CNTN5: variants seen among roughly 807,000 people sequenced by gnomAD.
CNTN5 encodes contactin-5.
A neutral mutation model predicts 129.1 loss-of-function variants in CNTN5; 77 were observed. The observed-to-expected ratio is 0.60, with a 90% CI of 0.50 to 0.72. The LOEUF is 0.72. Among genes scored for constraint, CNTN5 ranks in the 30% least tolerant of loss-of-function variants. CNTN5 has a pLI of 0.00. For missense variants in CNTN5, 1,478 were observed against 1,328.8 expected, an observed-to-expected ratio of 1.11 and a Z score of -1.75; for synonymous variants, 509 against 465.6, an observed-to-expected ratio of 1.09 and a Z score of -1.20.
In CNTN5 at chr11:99,968,660, T is replaced by C. The variant is rs1475866712; in HGVS notation, c.877+11651T>C. Among the ~76,000 whole-genome samples the C allele has an allele frequency of 2.9e-3, 201 of 69,496 alleles. 7 individuals carry two copies. The highest frequency in any genetic ancestry group is 0.011 in the African/African-American group (163 of 15,478). The allele number at this position is 69,496 out of a possible 152,430, so 45.6% of individuals were successfully genotyped here. A position where few individuals can be genotyped will look rare whatever the true frequency, so the allele number is the denominator to read the frequency against. ...TAATTGGAATAGCTTTGGGTACTTTTTTTTTTTTTTTTTTTTTTTTTTTTT... is the reference window on the plus strand; with the variant it reads ...TAATTGGAATAGCTTTGGGTACTTTCTTTTTTTTTTTTTTTTTTTTTTTTT... On this transcript the variant is annotated intron_variant, in intron 8 of 24. Transcript: ENST00000524871.
chr11:99,433,022 A>G (rs1157289525), intron 2 of CNTN5, among the ~76,000 whole-genome samples: 1 of 151,808 alleles, frequency 6.6e-6, no homozygotes, highest in Non-Finnish European at 1.5e-5. Context: ...GAAAAAAAAA[A>G]AAAAAGGTTT....
intron 3 of CNTN5, among the ~76,000 whole-genome samples, chr11:99,705,373 A>G (rs1954710585): frequency 1.3e-5 from 2 of 151,236 alleles, no homozygotes; most frequent in African/African-American, 4.8e-5. Flanking sequence ...TTACCAGCTG[A>G]AGACTCCTGA....
chr11:99,623,178 G>A (rs879523568), intron 3 of CNTN5, among the ~76,000 whole-genome samples: 5 of 151,860 alleles, frequency 3.3e-5, no homozygotes, highest in Non-Finnish European at 4.4e-5. Flanking sequence ...CCTATTTACC[G>A]CTTAAAATTA....
At chr11:99,211,161 C>T (rs572506575) in intron 1 of CNTN5, among the ~76,000 whole-genome samples, 1 of 152,022 alleles carries the variant, frequency 6.6e-6, no homozygotes, top group East Asian at 1.9e-4. Context: ...TTTTTATTAT[C>T]TTGGTAATTT....
At chr11:99,257,875 T>C (rs191156060) in intron 1 of CNTN5, among the ~76,000 whole-genome samples, 1 of 152,226 alleles carries the variant, frequency 6.6e-6, no homozygotes, top group Non-Finnish European at 1.5e-5. Flanking sequence ...AATTATCAAG[T>C]ATGTCACCTA....
At chr11:99,620,892 T>G (rs12790118) in intron 3 of CNTN5, among the ~76,000 whole-genome samples, 1 of 150,986 alleles carries the variant, frequency 6.6e-6, no homozygotes, top group African/African-American at 2.4e-5. Flanking sequence ...ATAAAAACTT[T>G]AGAGAAATTT....
chr11:99,756,451 C>T (rs1944406349), intron 3 of CNTN5, among the ~76,000 whole-genome samples: 1 of 152,008 alleles, frequency 6.6e-6, no homozygotes, highest in South Asian at 2.1e-4. Context: ...ATACCAAAGA[C>T]TATTAAAGTA....
At position 99,036,173 on chromosome 11, in the gene CNTN5, T is replaced by A. The variant is rs536119773; in HGVS notation, c.-210+14903T>A. On this transcript the variant is annotated intron_variant, in intron 1 of 24. Coordinates refer to ENST00000524871, the MANE Select transcript of CNTN5 (RefSeq NM_014361.4). ...CGTTGCGTATCGAAATGCCAGCTAT[T>A]CAGAAATGCCATACAGTTGCTTGGA... 2.6e-5 allele frequency among the ~76,000 whole-genome samples: 4 copies of A among 152,254 alleles called. No individual in the cohort carries two copies. The South Asian group carries it at 8.3e-4, about 32-fold the overall frequency.
At chr11:99,980,024 A>G (rs577655892) in intron 8 of CNTN5, among the ~76,000 whole-genome samples, 2 of 152,308 alleles carry the variant, frequency 1.3e-5, no homozygotes, top group South Asian at 4.1e-4. Context: ...TAAACCCCAT[A>G]TAAGTATTGG....
chr11:99,327,441 A>C (rs1464698752), intron 2 of CNTN5, among the ~76,000 whole-genome samples: 3 of 152,302 alleles, frequency 2.0e-5, no homozygotes, highest in Admixed American at 2.0e-4. Context: ...TCTATTAATA[A>C]ATTCAGGTTT....
At chr11:99,351,402 A>G (rs1938288931) in intron 2 of CNTN5, among the ~76,000 whole-genome samples, 1 of 152,218 alleles carries the variant, frequency 6.6e-6, no homozygotes, top group Non-Finnish European at 1.5e-5. Flanking sequence ...GTGGGATGGA[A>G]CTGCTGTTTA....
chr11:99,819,798 A>C, intron 4 of CNTN5, 33 bp downstream of exon 4: 1 of 1,365,454 alleles, frequency 7.3e-7, no homozygotes, highest in South Asian at 1.2e-5. Context: ...TCCAGATAGA[A>C]TAAAGGAGGC....
intron 2 of CNTN5, among the ~76,000 whole-genome samples, chr11:99,555,628 T>C (rs917071773): frequency 5.3e-5 from 8 of 151,896 alleles, no homozygotes; most frequent in Admixed American, 3.3e-4. Context: ...CAGATAATCA[T>C]AGGAGTTATA....
intron 16 of CNTN5, among the ~76,000 whole-genome samples, chr11:100,240,617 T>C (rs1216234162): frequency 2.0e-5 from 3 of 152,306 alleles, no homozygotes; most frequent in East Asian, 3.9e-4. Flanking sequence ...AGATACATGT[T>C]TGTCAACTTT....
chr11:100,337,499 T>A (rs1292218502), intron 21 of CNTN5: 2 of 743,054 alleles, frequency 2.7e-6, no homozygotes, highest in African/African-American at 1.7e-5. Flanking sequence ...ACTTTCAGGA[T>A]CTCAAGAACC....
intron 13 of CNTN5, among the ~76,000 whole-genome samples, chr11:100,105,358 T>C (rs1432326032): frequency 6.6e-6 from 1 of 152,110 alleles, no homozygotes; most frequent in Non-Finnish European, 1.5e-5. Context: ...TTTGCATCTG[T>C]GTGGATAGAG....
chr11:99,762,951 C>A (rs1944633415), intron 3 of CNTN5, among the ~76,000 whole-genome samples: 1 of 152,110 alleles, frequency 6.6e-6, no homozygotes, highest in African/African-American at 2.4e-5. Flanking sequence ...CCCATTGAGT[C>A]TCCCTATCAC....
At chr11:100,055,660 C>T (rs781507046) in intron 9 of CNTN5, among the ~76,000 whole-genome samples, 12 of 151,598 alleles carry the variant, frequency 7.9e-5, no homozygotes, top group Admixed American at 1.3e-4. Flanking sequence ...AGCCAGTAGA[C>T]ATGCTAATCA....
chr11:99,495,053 A>C (rs1196033825), intron 2 of CNTN5, among the ~76,000 whole-genome samples: 1 of 152,176 alleles, frequency 6.6e-6, no homozygotes, highest in Admixed American at 6.6e-5. Context: ...ATTACCACAC[A>C]TGTATCTCTC....
Sources: allele counts gnomAD v4.1 joint callset (sites outside exome capture counted in the v4.1 genomes callset), GRCh38; gene constraint gnomAD v4.1.1; transcripts MANE v1.5; gene names NCBI Gene and HGNC (gene_info 2026-07-23, HGNC 2026-07-21).